The following INCENP variants were observed in gnomAD, a reference collection of about 807,000 sequenced individuals.
The protein encoded by INCENP is inner centromere protein, also known as binds and activates aurora-B and -C in vivo and in vitro.
A neutral mutation model predicts 107.3 loss-of-function variants in INCENP; 43 were observed. The ratio of observed to expected loss-of-function variants is 0.40; its 90% CI spans 0.31 to 0.52. The LOEUF (loss-of-function observed/expected upper bound fraction) is 0.52. INCENP is among the 20% of genes least tolerant of loss of function. The pLI is 0.53. For synonymous variants in INCENP, 488 were observed against 494.4 expected, an observed-to-expected ratio of 0.99 and a Z score of 0.17; for missense variants, 1,089 against 1,250.9, an observed-to-expected ratio of 0.87 and a Z score of 1.95.
intron 4 of INCENP, among the ~76,000 whole-genome samples, chr11:62,133,219 T>G (rs979598757): frequency 2.0e-5 from 3 of 152,154 alleles, no homozygotes; most frequent in Non-Finnish European, 4.4e-5. Context: ...GAGTTCAATT[T>G]GTTAATTTTT....
intron 1 of INCENP, among the ~76,000 whole-genome samples, chr11:62,126,570 T>G (rs947994521): frequency 6.6e-6 from 1 of 152,232 alleles, no homozygotes; most frequent in Non-Finnish European, 1.5e-5. Flanking sequence ...TTTGTTGTTA[T>G]GGCTTATGAC....
intron 16 of INCENP, 32 bp downstream of exon 16, chr11:62,148,586 G>A (rs1944307059): frequency 2.5e-6 from 4 of 1,577,840 alleles, no homozygotes; most frequent in African/African-American, 1.3e-5. Flanking sequence ...GCTCCCCTGG[G>A]GTCTGCCCTG....
At chr11:62,132,805 G>T (rs1487992030) in intron 4 of INCENP, among the ~76,000 whole-genome samples, 2 of 152,156 alleles carry the variant, frequency 1.3e-5, no homozygotes, top group Non-Finnish European at 2.9e-5. Flanking sequence ...CTCTCCTCTT[G>T]AGGGGGTGGA....
Position 62,138,874 on chromosome 11 carries a change from G to A in INCENP, c.1174-14G>A, listed in dbSNP as rs768084445. On this transcript the variant is annotated splice_polypyrimidine_tract_variant and intron_variant, in intron 6 of 18. Coordinates refer to ENST00000394818, the MANE Select transcript of INCENP (RefSeq NM_001040694.2). The stretch of plus-strand genomic sequence containing the variant: ...TCCAGGTCAAGACCCCTAAAGCCTT[G>A]GTTCTTTCCACAGGTCCCTGAGAAC... 2 of 1,608,770 alleles carry A rather than the reference G, an allele frequency of 1.2e-6. No homozygotes were observed. The highest frequency in any genetic ancestry group is 1.7e-6 in the Non-Finnish European group (2 of 1,175,204).
Position 62,145,244 on chromosome 11 carries a change from G to A in INCENP, c.1791G>A (p.Lys597=), listed in dbSNP as rs1944217097. 2 of 1,613,980 alleles carry A rather than the reference G, an allele frequency of 1.2e-6. No homozygotes were observed. Among genetic ancestry groups the A allele is most frequent in the Admixed American group, 3.3e-5 (2 of 60,016 alleles). The change falls in exon 13 of 19, where the codon AAG becomes AAA. Residue 597 remains lysine, a synonymous_variant. Coordinates refer to ENST00000394818, the MANE Select transcript of INCENP (RefSeq NM_001040694.2). ...AGCAGATGAAGGAGGAGAAGAAGAA[G>A]CAGATTGAGCAGAAGTTTGCTCAGA... ...RVEQMKEEKK[K]QIEQKFAQID...
rs202093810 is a variant in INCENP, at chr11:62,130,095, G to A, written c.568G>A (p.Glu190Lys). Residue 190 changes from glutamate to lysine, a missense_variant, in exon 4 of 19, where the codon GAG becomes AAG. Glu to Lys is a moderately conservative substitution (Grantham distance 56). Transcript: ENST00000394818. ...GCATGTCACCCAGCTCATGTCCACC[G>A]AGCCTCTGCCCCGCACTCTGTCCCC... ...EQHVTQLMSTEPLPRTLSPTP... is the reference protein window; with the variant it reads ...EQHVTQLMSTKPLPRTLSPTP... 2.2e-5 allele frequency: 35 copies of A among 1,613,248 alleles called. No homozygotes were observed. The East Asian group carries it at 2.7e-4, about 12-fold the overall frequency.
intron 11 of INCENP, among the ~76,000 whole-genome samples, chr11:62,142,911 C>T (rs559779795): frequency 3.3e-5 from 5 of 152,322 alleles, no homozygotes; most frequent in East Asian, 1.9e-4. Context: ...ATCATTTTCC[C>T]GATCTCCTCT....
At chr11:62,143,386 C>T (rs969983896) in intron 11 of INCENP, among the ~76,000 whole-genome samples, 4 of 152,042 alleles carry the variant, frequency 2.6e-5, no homozygotes, top group Non-Finnish European at 4.4e-5. Context: ...TCTTTCTGTC[C>T]GTGCCCCAGT....
intron 4 of INCENP, among the ~76,000 whole-genome samples, chr11:62,133,366 G>A (rs1216882626): frequency 6.6e-6 from 1 of 152,240 alleles, no homozygotes; most frequent in Admixed American, 6.5e-5. Flanking sequence ...GGAAGCCAGA[G>A]TGTGGCCCCG....
intron 1 of INCENP, among the ~76,000 whole-genome samples, chr11:62,124,492 C>T (rs1175787394): frequency 1.3e-5 from 2 of 152,190 alleles, no homozygotes; most frequent in Non-Finnish European, 2.9e-5. Context: ...GGTTGTTTGG[C>T]GGAATGATGC....
At chr11:62,127,839 A>C (rs1943788029) in intron 1 of INCENP, among the ~76,000 whole-genome samples, 1 of 152,064 alleles carries the variant, frequency 6.6e-6, no homozygotes, top group African/African-American at 2.4e-5. Flanking sequence ...GGCCATTTAT[A>C]AGGAGGACTG....
At position 62,146,886 on chromosome 11, in the gene INCENP, C is replaced by T. The variant is rs779421516; in HGVS notation, c.2188C>T (p.Arg730Trp). Residue 730 changes from arginine (R) to tryptophan (W), a missense_variant, in exon 15 of 19, where the codon CGG becomes TGG. Coordinates refer to ENST00000394818, the MANE Select transcript of INCENP (RefSeq NM_001040694.2). ...GCAGGAGCGTCGGCGGGAGCAGGAG[C>T]GGCTCCAGGCCGAGAGGTGAGGGAC... ...AEQERRREQE[R>W]LQAERELQER... is the part of the protein sequence containing the mutation. 9.4e-5 allele frequency: 150 copies of T among 1,599,254 alleles called. No individual in the cohort carries two copies. The highest frequency in any genetic ancestry group is 1.2e-4 in the Non-Finnish European group (136 of 1,177,240).
At chr11:62,127,043 G>GTTT (rs61614201) in intron 1 of INCENP, among the ~76,000 whole-genome samples, 108 of 145,600 alleles carry the variant, frequency 7.4e-4, no homozygotes, top group African/African-American at 2.7e-3. Flanking sequence ...TTTTTGTTTT[G>GTTT]TTTTTTTTTT....
In INCENP at chr11:62,148,731, G is replaced by C. The variant is rs1339093804; in HGVS notation, c.2284-8G>C. On this transcript the variant is annotated splice_polypyrimidine_tract_variant and splice_region_variant and intron_variant, in intron 16 of 18. Coordinates refer to ENST00000394818, the MANE Select transcript of INCENP (RefSeq NM_001040694.2). Reference sequence around the variant, plus strand: ...CTCCCTAACACCCCATTGCCACCTGGGTTCCAGGAAGAGCAGCAGCGTCTG... The same window carrying C: ...CTCCCTAACACCCCATTGCCACCTGCGTTCCAGGAAGAGCAGCAGCGTCTG... The C allele has an allele frequency of 6.4e-7, 1 of 1,574,034 alleles. No individual in the cohort carries two copies. Among genetic ancestry groups the C allele is most frequent in the Admixed American group, 1.9e-5 (1 of 53,638 alleles).
Position 62,145,186 on chromosome 11 carries a change from T to C in INCENP, c.1733T>C (p.Leu578Pro). Reference protein sequence around the residue: ...EEVKLKREERLRKVLQARERV... With the variant: ...EEVKLKREERPRKVLQARERV... ...CCCCGCAGGAAGCGTGAGGAACGCCTCCGCAAGGTGCTGCAGGCCCGCGAG... is the reference window on the plus strand; with the variant it reads ...CCCCGCAGGAAGCGTGAGGAACGCCCCCGCAAGGTGCTGCAGGCCCGCGAG... Residue 578 changes from leucine (L) to proline (P), a missense_variant, in exon 13 of 19, where the codon CTC becomes CCC. By Grantham distance (98) the Leu-to-Pro change is moderately conservative. Transcript: ENST00000394818. The C allele has an allele frequency of 8.7e-6, 14 of 1,614,026 alleles. No homozygotes were observed. Among genetic ancestry groups the C allele is most frequent in the Non-Finnish European group, 1.2e-5 (14 of 1,180,004 alleles).
rs1317592400 is a variant in INCENP at position 62,148,756 on chromosome 11, G to A, written c.2301G>A (p.Leu767=). 2.5e-6 allele frequency: 4 copies of A among 1,599,170 alleles called. No individual in the cohort carries two copies. The highest frequency in any genetic ancestry group is 1.1e-5 in the South Asian group (1 of 88,290). The part of the protein sequence containing the change: ...EKKKKEEQQR[L]AERQLQEEQE... ...GGTTCCAGGAAGAGCAGCAGCGTCT[G>A]GCTGAGCGGCAGCTGCAGGAGGAGC... Residue 767 remains leucine (L), a synonymous_variant, in exon 17 of 19, where the codon CTG becomes CTA. Transcript: ENST00000394818.
chr11:62,131,259 G>A (rs754520666), intron 4 of INCENP, among the ~76,000 whole-genome samples: 4 of 152,170 alleles, frequency 2.6e-5, no homozygotes, highest in South Asian at 2.1e-4. Flanking sequence ...GAAACTTCAC[G>A]GGCCTCCACT....
intron 17 of INCENP, among the ~76,000 whole-genome samples, chr11:62,149,297 A>T (rs1944322999): frequency 6.6e-6 from 1 of 151,972 alleles, no homozygotes; most frequent in African/African-American, 2.4e-5. Context: ...ACATCTGTCT[A>T]TTTCAACACA....
chr11:62,146,303 G>A lies in INCENP; in HGVS notation c.1960-355G>A, dbSNP rs117846895. On this transcript the variant is annotated intron_variant, in intron 14 of 18. Coordinates refer to ENST00000394818, the MANE Select transcript of INCENP (RefSeq NM_001040694.2). ...TGTGCTAGGCCCTGCTGTGTGTTGTGCGTATCAACCCAGCAACCCCATGAA... is the reference window on the plus strand; with the variant it reads ...TGTGCTAGGCCCTGCTGTGTGTTGTACGTATCAACCCAGCAACCCCATGAA... 5.8e-3 allele frequency among the ~76,000 whole-genome samples: 876 copies of A among 152,294 alleles called. 19 individuals carry two copies. Among genetic ancestry groups the A allele is most frequent in the East Asian group, 0.043 (221 of 5,184 alleles).
Sources: allele counts gnomAD v4.1 joint callset (sites outside exome capture counted in the v4.1 genomes callset), GRCh38; gene constraint gnomAD v4.1.1; transcripts MANE v1.5; gene names NCBI Gene and HGNC (gene_info 2026-07-23, HGNC 2026-07-21).